Variants in MTMR3 observed in about 807,000 individuals in gnomAD.
MTMR3 encodes the protein myotubularin related protein 3.
Under a neutral mutation model 132.4 loss-of-function variants are expected in MTMR3, and 32 were observed. The ratio of observed to expected loss-of-function variants is 0.24; its 90% CI spans 0.18 to 0.32. MTMR3 has a LOEUF of 0.32. Ranked by LOEUF, MTMR3 falls within the 10% of genes least tolerant of loss-of-function variation. The pLI is 1.00. For synonymous variants in MTMR3, 556 were observed against 550.3 expected (o/e 1.01, Z -0.14); for missense variants, 1,216 against 1,489.6 (o/e 0.82, Z 3.02).
chr22:30,022,467 T>C (rs2067788189), intron 18 of MTMR3, 142 bp from the exon 19 acceptor site: 1 of 716,758 alleles, frequency 1.4e-6, no homozygotes. Flanking sequence ...GCCTTTCTTG[T>C]ACTGTTGACA....
chr22:29,957,034 A>C lies in MTMR3; in HGVS notation c.-137-2A>C, dbSNP rs2066207239. The C allele has an allele frequency of 6.6e-6, 1 of 152,226 alleles. No homozygotes were observed. Among genetic ancestry groups the C allele is most frequent in the African/African-American group, 2.4e-5 (1 of 41,402 alleles). The allele number at this position is 152,226 out of a possible 1,614,324, so 9.4% of individuals were successfully genotyped here. The stretch of plus-strand genomic sequence containing the variant: ...ATAAAATAACTGTTTTTTCTTTTGC[A>C]GACTTCCTTGTGAAACCTCCTAGTA... On this transcript the variant is annotated splice_acceptor_variant, in intron 1 of 19. Transcript: ENST00000401950. LOFTEE classifies it low-confidence loss of function (5UTR_SPLICE).
intron 2 of MTMR3, among the ~76,000 whole-genome samples, chr22:29,957,626 C>CT (rs1283900947): frequency 2.0e-5 from 3 of 151,958 alleles, no homozygotes; most frequent in South Asian, 4.2e-4. Flanking sequence ...AGTTTGGAAA[C>CT]TTTTTTTGTA....
At chr22:29,949,916 G>T (rs1463201646) in intron 1 of MTMR3, among the ~76,000 whole-genome samples, 1 of 152,106 alleles carries the variant, frequency 6.6e-6, no homozygotes, top group Non-Finnish European at 1.5e-5. Flanking sequence ...ATTTCCATTT[G>T]ATTTAGGCAT....
chr22:29,971,472 A>T lies in MTMR3; in HGVS notation c.3+410A>T, dbSNP rs545254001. The stretch of plus-strand genomic sequence containing the variant: ...TGCATATTTACTTAAAAATTTTTTT[A>T]AATTGACAAATTACATATATATTGT... On this transcript the variant is annotated intron_variant, in intron 3 of 19. Coordinates refer to ENST00000401950, the MANE Select transcript of MTMR3 (RefSeq NM_021090.4). 3.3e-5 allele frequency among the ~76,000 whole-genome samples: 5 copies of T among 152,332 alleles called. No homozygotes were observed. The South Asian group carries it at 6.2e-4, about 19-fold the overall frequency.
At chr22:29,954,561 A>C (rs1369899132) in intron 1 of MTMR3, among the ~76,000 whole-genome samples, 1 of 152,106 alleles carries the variant, frequency 6.6e-6, no homozygotes, top group Admixed American at 6.5e-5. Flanking sequence ...TTTCTGTTGA[A>C]TCTCTCGTTT....
At chr22:29,983,891 C>T (rs2066804377) in intron 5 of MTMR3, 1 of 152,162 alleles carries the variant, frequency 6.6e-6, no homozygotes, top group African/African-American at 2.4e-5. Context: ...CCCACTTTGG[C>T]CTCCCAAAGT....
At chr22:30,007,783 AG>A in intron 10 of MTMR3, 117 bp from the exon 11 acceptor site, 1 of 1,206,018 alleles carries the variant, frequency 8.3e-7, no homozygotes, top group Non-Finnish European at 1.2e-6. Context: ...GGTTTTGGTT[AG>A]GGGATTTCAT....
At position 29,989,869 on chromosome 22, in the gene MTMR3, T is replaced by A. The variant is rs2066926494; in HGVS notation, c.293+1307T>A. 4 of 152,348 alleles carry A rather than the reference T, an allele frequency of 2.6e-5. No homozygotes were observed. The South Asian group carries it at 8.3e-4, about 32-fold the overall frequency. 9.4% of individuals were successfully genotyped at this position (152,348 alleles called of 1,614,324 possible). On this transcript the variant is annotated intron_variant, in intron 6 of 19. Coordinates refer to ENST00000401950, the MANE Select transcript of MTMR3 (RefSeq NM_021090.4). ...GAGGCACTTTGAAACAATGCAAATG[T>A]CCCTGCTTCTCATAAAAATTTCTCC...
intron 4 of MTMR3, 90 bp downstream of exon 4, chr22:29,978,621 A>T: frequency 3.8e-6 from 3 of 781,812 alleles, no homozygotes; most frequent in Non-Finnish European, 3.9e-6. Context: ...GTACTATATT[A>T]TATATATATA....
At chr22:29,937,076 T>G (rs1023195262) in intron 1 of MTMR3, among the ~76,000 whole-genome samples, 2 of 152,152 alleles carry the variant, frequency 1.3e-5, no homozygotes, top group African/African-American at 4.8e-5. Context: ...CTTCTTAATA[T>G]TGGATTAAGC....
At chr22:29,961,160 A>G (rs1189407487) in intron 2 of MTMR3, among the ~76,000 whole-genome samples, 1 of 152,174 alleles carries the variant, frequency 6.6e-6, no homozygotes, top group Non-Finnish European at 1.5e-5. Flanking sequence ...GTCTTTGGCA[A>G]TAATAACCCC....
chr22:30,013,116 A>G lies in MTMR3; in HGVS notation c.1318-240A>G, dbSNP rs956317154. On this transcript the variant is annotated intron_variant, in intron 13 of 19. Transcript: ENST00000401950. Reference sequence around the variant, plus strand: ...ACAAGAGGCTAAAAATACACATTCAAGAAAGGCTTAGATAAACGCAGTCAG... The same window carrying G: ...ACAAGAGGCTAAAAATACACATTCAGGAAAGGCTTAGATAAACGCAGTCAG... 5 of 328,364 alleles carry G rather than the reference A, an allele frequency of 1.5e-5. No individual in the cohort carries two copies. In the South Asian group the frequency reaches 3.4e-4, roughly 23 times the overall value. 20.3% of individuals were successfully genotyped at this position (328,364 alleles called of 1,614,324 possible).
intron 8 of MTMR3, chr22:30,002,128 A>G (rs1402683881): frequency 6.6e-6 from 1 of 152,182 alleles, no homozygotes; most frequent in Non-Finnish European, 1.5e-5. Context: ...ATTGCTTCCT[A>G]GGATACCGGC....
At position 29,998,867 on chromosome 22, in the gene MTMR3, A is replaced by T; in HGVS notation, c.557+10A>T. The T allele has an allele frequency of 6.3e-7, 1 of 1,597,512 alleles. No homozygotes were observed. Among genetic ancestry groups the T allele is most frequent in the Non-Finnish European group, 8.6e-7 (1 of 1,168,646 alleles). On this transcript the variant is annotated intron_variant, in intron 8 of 19. Coordinates refer to ENST00000401950, the MANE Select transcript of MTMR3 (RefSeq NM_021090.4). Reference sequence around the variant, plus strand: ...TCAATGAGAAGTACAAGTGAGTTATATGGGTCCCTGTGGACTGTTTCACAG... The same window carrying T: ...TCAATGAGAAGTACAAGTGAGTTATTTGGGTCCCTGTGGACTGTTTCACAG...
At chr22:29,974,667 T>C (rs1049393611) in intron 3 of MTMR3, among the ~76,000 whole-genome samples, 22 of 152,214 alleles carry the variant, frequency 1.4e-4, no homozygotes, top group Non-Finnish European at 2.9e-4. Context: ...TTTCTTTTTG[T>C]TCTTTACAAG....
At chr22:29,954,059 C>CTTGTTTTTTT (rs2066135861) in intron 1 of MTMR3, among the ~76,000 whole-genome samples, 1 of 79,426 alleles carries the variant, frequency 1.3e-5, no homozygotes, top group Non-Finnish European at 2.2e-5. Context: ...TCAAATGAGT[C>CTTGTTTTTTT]TTTTTTTTTT....
intron 5 of MTMR3, chr22:29,981,070 C>A (rs552826285): frequency 5.3e-5 from 8 of 152,314 alleles, no homozygotes; most frequent in African/African-American, 1.7e-4. Flanking sequence ...TGAAGCCTTT[C>A]TTAGTCCCAG....
intron 1 of MTMR3, among the ~76,000 whole-genome samples, chr22:29,900,070 A>T (rs111595324): frequency 6.6e-6 from 1 of 152,222 alleles, no homozygotes; most frequent in Non-Finnish European, 1.5e-5. Context: ...TAAAACAAAC[A>T]TACAGAAGAG....
At chr22:30,002,389 T>C (rs2067193688) in intron 8 of MTMR3, 1 of 153,224 alleles carries the variant, frequency 6.5e-6, no homozygotes, top group Non-Finnish European at 1.5e-5. Flanking sequence ...GTTAATCCTG[T>C]GAAGTCTCTG....
Sources: gnomAD v4.1 joint callset for allele counts (sites outside exome capture counted in the v4.1 genomes callset) on GRCh38, gnomAD v4.1.1 for gene constraint, MANE v1.5 for transcripts, NCBI Gene and HGNC (gene_info 2026-07-23, HGNC 2026-07-21) for gene names.